ALMS1: variants seen among roughly 807,000 people sequenced by gnomAD.
The protein encoded by ALMS1 is centrosome-associated protein ALMS1.
Under a neutral mutation model 352.2 loss-of-function variants are expected in ALMS1, and 271 were observed. That is an observed-to-expected ratio of 0.77 (90% CI 0.70 to 0.85). The LOEUF is 0.85. ALMS1 is among the 40% of genes least tolerant of loss of function. The probability of loss-of-function intolerance (pLI) is 0.00; values close to 1 mark genes in which losing one functional copy is unlikely to be tolerated. For missense variants in ALMS1, 5,445 were observed against 4,870.7 expected, an observed-to-expected ratio of 1.12 and a Z score of -3.51; for synonymous variants, 1,865 against 1,761.2, an observed-to-expected ratio of 1.06 and a Z score of -1.48.
chr2:73,529,682 G>A (rs1486672209), intron 11 of ALMS1, among the ~76,000 whole-genome samples: 1 of 152,242 alleles, frequency 6.6e-6, no homozygotes, highest in Non-Finnish European at 1.5e-5. Flanking sequence ...ACTTGTAGAG[G>A]TACCACCGTG....
chr2:73,608,247 A>G (rs1044654924), intron 21 of ALMS1, among the ~76,000 whole-genome samples: 1 of 152,124 alleles, frequency 6.6e-6, no homozygotes, highest in Non-Finnish European at 1.5e-5. Context: ...TTCCACATGT[A>G]AGCACTATTA....
At chr2:73,539,403 G>C (rs1049741467) in intron 12 of ALMS1, among the ~76,000 whole-genome samples, 5 of 152,176 alleles carry the variant, frequency 3.3e-5, no homozygotes, top group African/African-American at 1.2e-4. Context: ...ACCAAAGGTA[G>C]ATAAAACCAC....
At chr2:73,605,508 T>C (rs1351151746) in intron 21 of ALMS1, among the ~76,000 whole-genome samples, 1 of 152,094 alleles carries the variant, frequency 6.6e-6, no homozygotes, top group South Asian at 2.1e-4. Context: ...ATAGGAAAAG[T>C]TTATGACATG....
chr2:73,402,897 A>G (rs1203538503), intron 1 of ALMS1, among the ~76,000 whole-genome samples: 1 of 151,966 alleles, frequency 6.6e-6, no homozygotes, highest in Non-Finnish European at 1.5e-5. Context: ...TTTTTCTTCT[A>G]CTGAGTTGCA....
chr2:73,467,785 C>A (rs1481170087), intron 9 of ALMS1, among the ~76,000 whole-genome samples: 1 of 152,066 alleles, frequency 6.6e-6, no homozygotes, highest in Non-Finnish European at 1.5e-5. Flanking sequence ...ACTGCCTCAA[C>A]AACCTTGAAA....
chr2:73,600,669 T>A lies in ALMS1; in HGVS notation c.11669-9T>A. The A allele has an allele frequency of 1.2e-6, 2 of 1,610,772 alleles. No homozygotes were observed. Among genetic ancestry groups the A allele is most frequent in the Non-Finnish European group, 1.7e-6 (2 of 1,178,386 alleles). On this transcript the variant is annotated splice_polypyrimidine_tract_variant and intron_variant, in intron 17 of 22. Coordinates refer to ENST00000613296, the MANE Select transcript of ALMS1 (RefSeq NM_001378454.1). ...TACTCCCAGAGACACCTATGATCCT[T>A]CCCCTCAGGTAACTTGGAGATTGTG...
rs985056937 is a variant in ALMS1, at chr2:73,491,370, T to C, written c.9411T>C (p.Thr3137=). The C allele has an allele frequency of 1.2e-6, 2 of 1,614,142 alleles. No homozygotes were observed. Among genetic ancestry groups the C allele is most frequent in the South Asian group, 1.1e-5 (1 of 91,084 alleles). ...AGCCTTCTCTTCCAGACAGTAACAC[T>C]ATTACTCAGGACTTGAAAACCATAC... ...VVQPSLPDSN[T]ITQDLKTIPS... The change falls in exon 10 of 23, where the codon ACT becomes ACC. Residue 3137 remains threonine, a synonymous_variant. Coordinates refer to ENST00000613296, the MANE Select transcript of ALMS1 (RefSeq NM_001378454.1).
At chr2:73,418,882 G>A (rs538094587) in intron 2 of ALMS1, among the ~76,000 whole-genome samples, 1 of 152,212 alleles carries the variant, frequency 6.6e-6, no homozygotes, top group South Asian at 2.1e-4. Context: ...ACTGGCAGCG[G>A]CGTACAATAC....
intron 9 of ALMS1, among the ~76,000 whole-genome samples, chr2:73,472,692 G>C (rs547639363): frequency 3.9e-5 from 6 of 152,030 alleles, no homozygotes; most frequent in Non-Finnish European, 8.8e-5. Context: ...CATTCCTTGT[G>C]CCTAGATGAA....
intron 10 of ALMS1, among the ~76,000 whole-genome samples, chr2:73,505,582 G>T (rs935379224): frequency 2.0e-5 from 3 of 151,886 alleles, no homozygotes; most frequent in Non-Finnish European, 4.4e-5. Context: ...TTTTTTTCTT[G>T]TACATTTGTT....
At chr2:73,460,810 G>A (rs1174128213) in intron 9 of ALMS1, among the ~76,000 whole-genome samples, 2 of 152,268 alleles carry the variant, frequency 1.3e-5, no homozygotes, top group African/African-American at 4.8e-5. Context: ...ATGGCTCGGA[G>A]GGTCCTACGC....
chr2:73,432,118 T>G, intron 6 of ALMS1, 80 bp from the exon 7 acceptor site: 1 of 1,044,064 alleles, frequency 9.6e-7, no homozygotes, highest in Non-Finnish European at 1.5e-6. Context: ...ATTTTCTTCA[T>G]TTCTTCGTAG....
At chr2:73,462,341 A>G (rs1218857350) in intron 9 of ALMS1, among the ~76,000 whole-genome samples, 2 of 152,210 alleles carry the variant, frequency 1.3e-5, no homozygotes, top group Non-Finnish European at 2.9e-5. Flanking sequence ...CCAGAATTTC[A>G]TATCCAGCGA....
chr2:73,527,600 A>G (rs1245956101), intron 11 of ALMS1, among the ~76,000 whole-genome samples: 2 of 151,852 alleles, frequency 1.3e-5, no homozygotes, highest in Non-Finnish European at 2.9e-5. Flanking sequence ...TCTGTGCTAT[A>G]GGTTGTAATG....
chr2:73,479,368 C>T (rs1271468861), intron 9 of ALMS1, among the ~76,000 whole-genome samples: 1 of 152,182 alleles, frequency 6.6e-6, no homozygotes, highest in Non-Finnish European at 1.5e-5. Context: ...GCTACTTCCA[C>T]TTCTCTCCTG....
intron 10 of ALMS1, among the ~76,000 whole-genome samples, chr2:73,503,666 A>G (rs1023611344): frequency 6.6e-6 from 1 of 152,196 alleles, no homozygotes; most frequent in Non-Finnish European, 1.5e-5. Flanking sequence ...TCCCTGAGGA[A>G]TCGCCACACT....
intron 16 of ALMS1, among the ~76,000 whole-genome samples, chr2:73,579,553 T>C (rs1675128795): frequency 1.3e-5 from 2 of 152,014 alleles, no homozygotes; most frequent in South Asian, 4.2e-4. Flanking sequence ...AGAGACGTGG[T>C]TTCACCGTGT....
intron 10 of ALMS1, among the ~76,000 whole-genome samples, chr2:73,506,740 C>T (rs11693586): frequency 0.26 from 38,838 of 151,892 alleles, 5,384 homozygotes; most frequent in African/African-American, 0.37. Flanking sequence ...GATAATTTGA[C>T]TTCCTCTCTT....
intron 10 of ALMS1, among the ~76,000 whole-genome samples, chr2:73,513,072 G>A (rs1673484901): frequency 6.6e-6 from 1 of 152,076 alleles, no homozygotes; most frequent in African/African-American, 2.4e-5. Context: ...CTTCCAGTGT[G>A]CTTTATATAA....
Sources: gnomAD v4.1 joint callset for allele counts (sites outside exome capture counted in the v4.1 genomes callset) on GRCh38, gnomAD v4.1.1 for gene constraint, MANE v1.5 for transcripts, NCBI Gene and HGNC (gene_info 2026-07-23, HGNC 2026-07-21) for gene names.